PLCL1: variants seen among roughly 807,000 people sequenced by gnomAD.
PLCL1 encodes inactive phospholipase C-like protein 1.
In PLCL1, 41 loss-of-function variants were observed where a neutral mutation model predicts 84.4. The ratio of observed to expected loss-of-function variants is 0.49; its 90% confidence interval spans 0.38 to 0.63. The LOEUF is 0.63. PLCL1 is among the 30% of genes least tolerant of loss of function. The pLI is 0.00. For missense variants in PLCL1, 1,206 were observed against 1,367.8 expected (o/e 0.88, Z 1.87); for synonymous variants, 490 against 488.3 (o/e 1.00, Z -0.05).
Position 198,015,222 on chromosome 2 carries a change from ATCTT to A in PLCL1, c.241-68532_241-68529del, listed in dbSNP as rs1279018203. The stretch of plus-strand genomic sequence containing the variant: ...TATCTATCTATCTATCTACAAATCT[ATCTT>A]TCTATCTTGTTCATTTTAGGGATAA... On this transcript the variant is annotated intron_variant, in intron 1 of 5. Coordinates refer to ENST00000428675, the MANE Select transcript of PLCL1 (RefSeq NM_006226.4). Among the ~76,000 whole-genome samples, 6 of 152,092 alleles carry A rather than the reference ATCTT, an allele frequency of 3.9e-5. No individual in the cohort carries two copies. In the East Asian group the frequency reaches 1.2e-3, roughly 29 times the overall value.
intron 1 of PLCL1, among the ~76,000 whole-genome samples, chr2:197,872,163 T>A (rs1245947172): frequency 1.3e-5 from 2 of 152,156 alleles, no homozygotes; most frequent in African/African-American, 4.8e-5. Context: ...TTCTCCCCCC[T>A]GGCCTAATCC....
intron 1 of PLCL1, among the ~76,000 whole-genome samples, chr2:197,813,042 A>G (rs1030835935): frequency 6.6e-6 from 1 of 152,208 alleles, no homozygotes; most frequent in African/African-American, 2.4e-5. Flanking sequence ...TCAGGGGCAC[A>G]CGCATTAGGG....
At chr2:197,940,735 T>C (rs1689142492) in intron 1 of PLCL1, among the ~76,000 whole-genome samples, 1 of 152,230 alleles carries the variant, frequency 6.6e-6, no homozygotes, top group African/African-American at 2.4e-5. Flanking sequence ...AAAGACCATG[T>C]CTATTACGCC....
Position 197,805,186 on chromosome 2 carries a change from C to A in PLCL1, c.87C>A (p.Ala29=). 1 of 1,280,698 alleles carries A rather than the reference C, an allele frequency of 7.8e-7. No homozygotes were observed. The highest frequency in any genetic ancestry group is 9.8e-7 in the Non-Finnish European group (1 of 1,016,080). 79.3% of individuals were successfully genotyped at this position (1,280,698 alleles called of 1,614,324 possible). Residue 29 remains alanine (A), a synonymous_variant, in exon 1 of 6, where the codon GCC becomes GCA. Coordinates refer to ENST00000428675, the MANE Select transcript of PLCL1 (RefSeq NM_006226.4). The surrounding 1 kb of genome is among the most constrained non-coding windows in gnomAD (Gnocchi z 4.0). ...ACGACCCCCGAGTGGGCCCGGATGC[C>A]GCCGGGGACTGCGTGACGGCGGCCT... The part of the protein sequence containing the change: ...GEDDPRVGPD[A]AGDCVTAASG...
chr2:197,828,606 A>G lies in PLCL1; in HGVS notation c.240+23267A>G, dbSNP rs1690984146. On this transcript the variant is annotated intron_variant, in intron 1 of 5. Transcript: ENST00000428675. ...ATCTTTTAAAACTTATACCTTTGCA[A>G]TGTCAAAGGAAATTTTGTAAAAGTA... Among the ~76,000 whole-genome samples, 3 of 152,284 alleles carry G rather than the reference A, an allele frequency of 2.0e-5. No homozygotes were observed. In the Middle Eastern group the frequency reaches 0.01, roughly 518 times the overall value.
At chr2:197,916,385 T>C (rs1688601110) in intron 1 of PLCL1, among the ~76,000 whole-genome samples, 1 of 152,208 alleles carries the variant, frequency 6.6e-6, no homozygotes, top group African/African-American at 2.4e-5. Flanking sequence ...GCTCAGTTAC[T>C]CACTAGCTGT....
chr2:197,818,952 G>C (rs769958959), intron 1 of PLCL1, among the ~76,000 whole-genome samples: 2 of 152,116 alleles, frequency 1.3e-5, no homozygotes, highest in Non-Finnish European at 2.9e-5. Flanking sequence ...TGAGGGATGG[G>C]AGGGAAAAGG....
At chr2:197,939,834 A>G (rs754545014) in intron 1 of PLCL1, among the ~76,000 whole-genome samples, 1 of 151,138 alleles carries the variant, frequency 6.6e-6, no homozygotes, top group Non-Finnish European at 1.5e-5. Flanking sequence ...TCTAATATGC[A>G]GCCAAATTTG....
chr2:197,940,106 GT>G (rs145792435), intron 1 of PLCL1, among the ~76,000 whole-genome samples: 9 of 151,382 alleles, frequency 5.9e-5, no homozygotes, highest in African/African-American at 1.2e-4. Context: ...TCTCCAAATT[GT>G]TTTTTTTGAA....
intron 1 of PLCL1, among the ~76,000 whole-genome samples, chr2:198,041,457 T>G (rs1441620784): frequency 6.6e-6 from 1 of 152,176 alleles, no homozygotes; most frequent in Non-Finnish European, 1.5e-5. Context: ...TCTAGGTAAT[T>G]ATAGAATTTT....
Position 198,084,827 on chromosome 2 carries a change from T to C in PLCL1, c.1310T>C (p.Met437Thr). The change falls in exon 2 of 6, where the codon ATG becomes ACG. Residue 437 changes from methionine (M) to threonine (T), a missense_variant. Met to Thr is a moderately conservative substitution (Grantham distance 81). Coordinates refer to ENST00000428675, the MANE Select transcript of PLCL1 (RefSeq NM_006226.4). ...AATGGGTACATTAGAGCTTTGAAAATGGGCTGTCGAAGCGTTGAACTCGAT... is the reference window on the plus strand; with the variant it reads ...AATGGGTACATTAGAGCTTTGAAAACGGGCTGTCGAAGCGTTGAACTCGAT... ...DINGYIRALK[M>T]GCRSVELDVS... The C allele has an allele frequency of 6.2e-7, 1 of 1,614,030 alleles. No homozygotes were observed. The highest frequency in any genetic ancestry group is 8.5e-7 in the Non-Finnish European group (1 of 1,179,968).
intron 1 of PLCL1, among the ~76,000 whole-genome samples, chr2:198,067,010 A>G (rs1261195996): frequency 3.9e-5 from 6 of 152,172 alleles, no homozygotes; most frequent in African/African-American, 1.4e-4. Context: ...TATATGCACT[A>G]TATATCCAGC....
At chr2:198,039,220 T>C (rs1691607542) in intron 1 of PLCL1, among the ~76,000 whole-genome samples, 1 of 152,160 alleles carries the variant, frequency 6.6e-6, no homozygotes, top group Non-Finnish European at 1.5e-5. Flanking sequence ...GCATGGTTGT[T>C]TTGGGACCTG....
intron 5 of PLCL1, among the ~76,000 whole-genome samples, chr2:198,109,795 T>C (rs577144901): frequency 6.6e-6 from 1 of 151,974 alleles, no homozygotes; most frequent in East Asian, 1.9e-4. Flanking sequence ...TAGTGAGCTT[T>C]CCCAATATAT....
intron 3 of PLCL1, among the ~76,000 whole-genome samples, chr2:198,093,362 A>T (rs191476369): frequency 7.9e-5 from 12 of 152,312 alleles, no homozygotes; most frequent in Admixed American, 1.3e-4. Context: ...TGCAAAATGT[A>T]AACAGTAGGG....
chr2:198,092,632 A>T (rs902071835), intron 3 of PLCL1, among the ~76,000 whole-genome samples: 2 of 152,072 alleles, frequency 1.3e-5, no homozygotes, highest in Non-Finnish European at 2.9e-5. Context: ...ATTCCTCCTT[A>T]TCTCTTAATT....
intron 1 of PLCL1, among the ~76,000 whole-genome samples, chr2:197,943,808 A>C (rs1201868043): frequency 6.6e-6 from 1 of 152,134 alleles, no homozygotes; most frequent in Admixed American, 6.5e-5. Context: ...TAAGTCTTCT[A>C]ATATCCCCAA....
chr2:198,006,662 C>T (rs1690736046), intron 1 of PLCL1, among the ~76,000 whole-genome samples: 2 of 152,166 alleles, frequency 1.3e-5, no homozygotes, highest in Admixed American at 1.3e-4. Context: ...GGATTCTCTT[C>T]CTGGAGAGGC....
At chr2:197,957,436 G>A (rs1035600393) in intron 1 of PLCL1, among the ~76,000 whole-genome samples, 3 of 151,926 alleles carry the variant, frequency 2.0e-5, no homozygotes, top group Non-Finnish European at 2.9e-5. Context: ...CTCTTTTTTT[G>A]TAGCTTCTTT....
Sources: gnomAD v4.1 joint callset for allele counts (sites outside exome capture counted in the v4.1 genomes callset) on GRCh38, gnomAD v4.1.1 for gene constraint, Gnocchi (gnomAD v3.1) non-coding constraint, MANE v1.5 for transcripts, NCBI Gene and HGNC (gene_info 2026-07-23, HGNC 2026-07-21) for gene names.